Variants in LPP observed in about 807,000 individuals in gnomAD.
LPP encodes lipoma-preferred partner.
In LPP, 38 loss-of-function variants were observed where a neutral mutation model predicts 60.4. The ratio of observed to expected loss-of-function variants is 0.63; its 90% confidence interval spans 0.49 to 0.83. The LOEUF is 0.83. LPP is among the 40% of genes least tolerant of loss of function. The probability of loss-of-function intolerance (pLI) is 0.00; values close to 1 mark genes in which losing one functional copy is unlikely to be tolerated. For synonymous variants in LPP, 328 were observed against 290.8 expected (o/e 1.13, Z -1.30); for missense variants, 902 against 783.6 (o/e 1.15, Z -1.80).
At chr3:188,231,125 C>T (rs765636542) in intron 2 of LPP, among the ~76,000 whole-genome samples, 13 of 152,170 alleles carry the variant, frequency 8.5e-5, no homozygotes, top group Non-Finnish European at 1.8e-4. Flanking sequence ...ATAAGTTAAT[C>T]CTGGAGGTGA....
At chr3:188,602,289 C>T (rs1310815492) in intron 6 of LPP, among the ~76,000 whole-genome samples, 1 of 148,702 alleles carries the variant, frequency 6.7e-6, no homozygotes, top group Non-Finnish European at 1.5e-5. Context: ...GATATGGGTA[C>T]TTACCCTGAA....
chr3:188,719,439 C>G (rs917274788), intron 8 of LPP, among the ~76,000 whole-genome samples: 2 of 152,212 alleles, frequency 1.3e-5, no homozygotes, highest in Admixed American at 1.3e-4. Flanking sequence ...TTGATACAAA[C>G]AGCAGACATC....
intron 9 of LPP, among the ~76,000 whole-genome samples, chr3:188,813,900 T>C (rs1330268662): frequency 6.6e-6 from 1 of 152,048 alleles, no homozygotes; most frequent in Non-Finnish European, 1.5e-5. Context: ...TGAAACCCTG[T>C]CTCTACTAAA....
chr3:188,506,242 A>G (rs1351059066), intron 5 of LPP, among the ~76,000 whole-genome samples: 6 of 152,160 alleles, frequency 3.9e-5, no homozygotes, highest in Non-Finnish European at 8.8e-5. Context: ...TTATCACTGC[A>G]TTTCCCATCT....
At chr3:188,496,258 T>C (rs2149811305) in intron 5 of LPP, among the ~76,000 whole-genome samples, 1 of 152,238 alleles carries the variant, frequency 6.6e-6, no homozygotes, top group Admixed American at 6.5e-5. Context: ...CCTGAGTAGC[T>C]GGGATTACAG....
intron 2 of LPP, among the ~76,000 whole-genome samples, chr3:188,248,497 T>TATATATATATATATATATATATATATAG (rs1288280759): frequency 7.1e-6 from 1 of 140,728 alleles, no homozygotes; most frequent in African/African-American, 2.7e-5. Context: ...TATATATATA[T>TATATATATATATATATATATATATATAG]ACAGTCAGCA....
At chr3:188,707,156 T>C (rs1865641634) in intron 7 of LPP, among the ~76,000 whole-genome samples, 1 of 152,188 alleles carries the variant, frequency 6.6e-6, no homozygotes, top group Non-Finnish European at 1.5e-5. Flanking sequence ...TATTTATTTT[T>C]TAATTTTTTT....
At position 188,251,483 on chromosome 3, in the gene LPP, A is replaced by C. The variant is rs569946354; in HGVS notation, c.-67+25956A>C. ...GGTGCCTTAACTTATAGCCTCTTTC[A>C]ATGACTGGAGCTAGGAAATTTTATA... On this transcript the variant is annotated intron_variant, in intron 2 of 11. Coordinates refer to ENST00000617246, the MANE Select transcript of LPP (RefSeq NM_001375462.1). 1.1e-4 allele frequency among the ~76,000 whole-genome samples: 17 copies of C among 152,198 alleles called. 1 individual carries two copies. The South Asian group carries it at 3.5e-3, about 32-fold the overall frequency.
chr3:188,497,611 A>G (rs1030503365), intron 5 of LPP, among the ~76,000 whole-genome samples: 14 of 152,222 alleles, frequency 9.2e-5, no homozygotes, highest in Non-Finnish European at 1.8e-4. Flanking sequence ...GTGAAAGTTC[A>G]GTGTCAGAAC....
intron 9 of LPP, among the ~76,000 whole-genome samples, chr3:188,856,353 A>G (rs542583529): frequency 2.0e-5 from 3 of 152,292 alleles, no homozygotes; most frequent in South Asian, 4.1e-4. Flanking sequence ...TCAATATTCA[A>G]TATTCAAGGG....
chr3:188,365,164 T>C (rs1204290392), intron 3 of LPP, among the ~76,000 whole-genome samples: 1 of 151,860 alleles, frequency 6.6e-6, no homozygotes, highest in Non-Finnish European at 1.5e-5. Context: ...TTTCTCTCTT[T>C]ATCTCTTCCT....
At chr3:188,543,359 C>T (rs374522024) in intron 6 of LPP, among the ~76,000 whole-genome samples, 1 of 151,988 alleles carries the variant, frequency 6.6e-6, no homozygotes. Flanking sequence ...GCTGAAAACG[C>T]GTATTTTCTC....
At chr3:188,508,039 A>C (rs1814085625) in intron 5 of LPP, among the ~76,000 whole-genome samples, 1 of 152,226 alleles carries the variant, frequency 6.6e-6, no homozygotes, top group Non-Finnish European at 1.5e-5. Context: ...GATTGCTATA[A>C]CATAGTGGTA....
intron 7 of LPP, among the ~76,000 whole-genome samples, chr3:188,653,325 T>C (rs1043013461): frequency 6.6e-6 from 1 of 152,228 alleles, no homozygotes; most frequent in Non-Finnish European, 1.5e-5. Context: ...CTGTGTAAGT[T>C]TTTGTTATTA....
intron 8 of LPP, among the ~76,000 whole-genome samples, chr3:188,728,712 T>G (rs1719308478): frequency 6.6e-6 from 1 of 152,216 alleles, no homozygotes; most frequent in Admixed American, 6.5e-5. Context: ...GCAAATTATC[T>G]TCCAGATTTT....
At position 188,440,949 on chromosome 3, in the gene LPP, A is replaced by ATGTGTGTG. The variant is rs10680234; in HGVS notation, c.193+34651_193+34658dup. On this transcript the variant is annotated intron_variant, in intron 4 of 11. Transcript: ENST00000617246. Reference sequence around the variant, plus strand: ...TCCAGTGTACTCTCTCTCCCTTAATATGTGTGTGTGTGTGTGTGTGTGCGC... The same window carrying ATGTGTGTG: ...TCCAGTGTACTCTCTCTCCCTTAATATGTGTGTGTGTGTGTGTGTGTGTGTGTGTGCGC... 7.0e-3 allele frequency among the ~76,000 whole-genome samples: 1,025 copies of ATGTGTGTG among 146,936 alleles called. 6 individuals are homozygous for ATGTGTGTG. Among genetic ancestry groups the ATGTGTGTG allele is most frequent in the African/African-American group, 0.014 (568 of 39,610 alleles).
intron 1 of LPP, among the ~76,000 whole-genome samples, chr3:188,224,047 G>C (rs958319032): frequency 1.3e-5 from 2 of 152,026 alleles, no homozygotes; most frequent in African/African-American, 4.8e-5. Context: ...ATAGGTGTTC[G>C]AGGCCTGGAT....
chr3:188,264,383 A>G (rs1000103702), intron 2 of LPP, among the ~76,000 whole-genome samples: 1 of 151,830 alleles, frequency 6.6e-6, no homozygotes, highest in Non-Finnish European at 1.5e-5. Context: ...AAGAAAGGCA[A>G]GGAGAAGACA....
intron 9 of LPP, among the ~76,000 whole-genome samples, chr3:188,856,538 T>C (rs997363156): frequency 6.6e-6 from 1 of 152,220 alleles, no homozygotes; most frequent in Admixed American, 6.5e-5. Flanking sequence ...TATCTTTATA[T>C]CTATTTACAT....
Sources: allele counts gnomAD v4.1 joint callset (sites outside exome capture counted in the v4.1 genomes callset), GRCh38; gene constraint gnomAD v4.1.1; transcripts MANE v1.5; gene names NCBI Gene and HGNC (gene_info 2026-07-23, HGNC 2026-07-21).